The following FBXO38 variants were observed in gnomAD, a reference collection of about 807,000 sequenced individuals.
The protein encoded by FBXO38 is F-box only protein 38.
Under a neutral mutation model 131.9 loss-of-function variants are expected in FBXO38, and 53 were observed. The observed-to-expected ratio is 0.40, with a 90% CI of 0.32 to 0.51. The LOEUF is 0.51. FBXO38 is among the 20% of genes least tolerant of loss of function. The pLI, the probability that FBXO38 is intolerant of heterozygous loss-of-function variation, is 0.53. For missense variants in FBXO38, 1,076 were observed against 1,475.6 expected (o/e 0.73, Z 4.44); for synonymous variants, 452 against 505.6 (o/e 0.89, Z 1.42).
intron 1 of FBXO38, among the ~76,000 whole-genome samples, chr5:148,386,702 A>G (rs1757932181): frequency 1.3e-5 from 2 of 152,126 alleles, no homozygotes; most frequent in South Asian, 4.1e-4. Flanking sequence ...TAGTCTTTAT[A>G]TATAATACTC....
chr5:148,409,496 G>C (rs1434130940), intron 8 of FBXO38, among the ~76,000 whole-genome samples: 1 of 152,196 alleles, frequency 6.6e-6, no homozygotes, highest in Non-Finnish European at 1.5e-5. Flanking sequence ...ATGGCTGAGA[G>C]TCCAATAGAA....
chr5:148,427,483 C>T lies in FBXO38; in HGVS notation c.2189C>T (p.Thr730Met), dbSNP rs767223993. ...TASQSPDFVR[T>M]VNSGGSSEPS... ...TCTCAAAGCCCCGACTTTGTAAGGA[C>T]GGTGAACAGCGGCGGCTCTTCCGAG... The change falls in exon 15 of 22, where the codon ACG becomes ATG. Residue 730 changes from threonine to methionine, a missense_variant. By Grantham distance (81) the Thr-to-Met change is moderately conservative. This residue lies in a region of FBXO38 where 213 missense variants were observed against 225.2 expected (regional missense o/e 0.95). Coordinates refer to ENST00000340253, the MANE Select transcript of FBXO38 (RefSeq NM_205836.3). 3.8e-5 allele frequency: 62 copies of T among 1,614,100 alleles called. 1 individual carries two copies. The highest frequency in any genetic ancestry group is 2.7e-4 in the South Asian group (25 of 91,094).
chr5:148,434,772 A>T (rs1359381731), intron 17 of FBXO38: 2 of 152,180 alleles, frequency 1.3e-5, no homozygotes, highest in Non-Finnish European at 2.9e-5. Flanking sequence ...GTATTTTTTT[A>T]AAAAACTTTA....
intron 1 of FBXO38, chr5:148,389,815 G>T (rs905309780): frequency 6.6e-6 from 1 of 152,216 alleles, no homozygotes; most frequent in Admixed American, 6.6e-5. Flanking sequence ...GGTCACTTGA[G>T]GTCAGGAGTT....
intron 20 of FBXO38, among the ~76,000 whole-genome samples, chr5:148,440,853 A>G (rs541626934): frequency 6.6e-6 from 1 of 152,344 alleles, no homozygotes; most frequent in African/African-American, 2.4e-5. Context: ...GTTCTTCAAA[A>G]TATGGATGAT....
In FBXO38 at chr5:148,438,312, C is replaced by T. The variant is rs754026633; in HGVS notation, c.2858-20C>T. ...CCAAAGATGATATGTACGGAGCTTA[C>T]CATTGTTTTCATTTTGTAGCTACCA... On this transcript the variant is annotated intron_variant, in intron 17 of 21. Transcript: ENST00000340253. 161 of 1,612,530 alleles carry T rather than the reference C, an allele frequency of 1.0e-4. 6 individuals are homozygous for T. In the South Asian group the frequency reaches 1.8e-3, roughly 18 times the overall value.
At chr5:148,416,772 C>CA in intron 11 of FBXO38, 1 of 516,712 alleles carries the variant, frequency 1.9e-6, no homozygotes, top group South Asian at 2.4e-5. Flanking sequence ...ATCTCTTCTC[C>CA]TTGCATGACT....
rs140162793 is a variant in FBXO38 at position 148,402,617 on chromosome 5, T to C, written c.592+104T>C. ...AGAATTTTAGAGATGGCTTTGTTGA[T>C]TGATGATTGCAAAATAAATGTTTGC... is the stretch of plus-strand genomic sequence containing the variant. On this transcript the variant is annotated intron_variant, in intron 5 of 21. Coordinates refer to ENST00000340253, the MANE Select transcript of FBXO38 (RefSeq NM_205836.3). 115 of 1,004,054 alleles carry C rather than the reference T, an allele frequency of 1.1e-4. No homozygotes were observed. In the East Asian group the frequency reaches 2.8e-3, roughly 25 times the overall value. The allele number at this position is 1,004,054 out of a possible 1,614,324, so 62.2% of individuals were successfully genotyped here. A position where few individuals can be genotyped will look rare whatever the true frequency, so the allele number is the denominator to read the frequency against.
intron 17 of FBXO38, among the ~76,000 whole-genome samples, chr5:148,436,860 C>G (rs1369752201): frequency 6.6e-6 from 1 of 152,204 alleles, no homozygotes; most frequent in Non-Finnish European, 1.5e-5. Context: ...ATTACTATCT[C>G]CTATTGGAGT....
chr5:148,440,403 A>G, intron 19 of FBXO38, 21 bp from the exon 20 acceptor site: 1 of 1,478,936 alleles, frequency 6.8e-7, no homozygotes, highest in Non-Finnish European at 9.4e-7. Context: ...ATTTTTACTT[A>G]ATTTTTCCTG....
intron 1 of FBXO38, among the ~76,000 whole-genome samples, chr5:148,388,691 T>C (rs58341123): frequency 0.082 from 12,488 of 152,238 alleles, 1,009 homozygotes; most frequent in East Asian, 0.33. Context: ...TTGCAGAGAC[T>C]TAGGGCCTTG....
At position 148,438,531 on chromosome 5, in the gene FBXO38, A is replaced by G. The variant is rs778413830; in HGVS notation, c.3024+33A>G. ...GCTTTGCTTCTTTCCGATGATACAC[A>G]TATTGTGGTGTTTTTCTTTTTCTTT... On this transcript the variant is annotated intron_variant, in intron 18 of 21. Transcript: ENST00000340253. 1.5e-5 allele frequency: 23 copies of G among 1,583,784 alleles called. No individual in the cohort carries two copies. The East Asian group carries it at 4.3e-4, about 29-fold the overall frequency.
intron 5 of FBXO38, 68 bp from the exon 6 acceptor site, chr5:148,404,617 T>G: frequency 7.3e-7 from 1 of 1,376,286 alleles, no homozygotes; most frequent in African/African-American, 1.5e-5. Flanking sequence ...CTCTTGAACT[T>G]ATAAGCAAAA....
At position 148,404,780 on chromosome 5, in the gene FBXO38, C is replaced by A. The variant is rs763481232; in HGVS notation, c.688C>A (p.Leu230Ile). ...LTKPQPFKDF[L>I]CISLRTFVMR... ...TAAACCACAGCCATTTAAAGACTTC[C>A]TTTGTATCAGCTTAAGAACTTTCGT... The change falls in exon 6 of 22, where the codon CTT becomes ATT. Residue 230 changes from leucine to isoleucine, a missense_variant. Around this residue, in one of 8 missense-constraint regions of FBXO38, gnomAD observed 66 missense variants for 72.4 expected, o/e 0.91. Transcript: ENST00000340253. 1.9e-6 allele frequency: 3 copies of A among 1,607,716 alleles called. No individual in the cohort carries two copies. Among genetic ancestry groups the A allele is most frequent in the Non-Finnish European group, 1.7e-6 (2 of 1,177,926 alleles).
In FBXO38 at chr5:148,439,496, C is replaced by CT. The variant is rs1243056164; in HGVS notation, c.3025-150dup. 14 of 707,858 alleles carry CT rather than the reference C, an allele frequency of 2.0e-5. No individual in the cohort carries two copies. The African/African-American group carries it at 2.2e-4, about 11-fold the overall frequency. The allele number at this position is 707,858 out of a possible 1,614,324, so 43.8% of individuals were successfully genotyped here. On this transcript the variant is annotated intron_variant, in intron 18 of 21. Coordinates refer to ENST00000340253, the MANE Select transcript of FBXO38 (RefSeq NM_205836.3). Reference sequence around the variant, plus strand: ...GCAAAATTATTCCCAGCATGACAGACTGTTTTCAGGTCTGAATGTGACTAT... The same window carrying CT: ...GCAAAATTATTCCCAGCATGACAGACTTGTTTTCAGGTCTGAATGTGACTAT...
chr5:148,393,392 C>T, intron 1 of FBXO38, among the ~76,000 whole-genome samples: 1 of 152,066 alleles, frequency 6.6e-6, no homozygotes, highest in East Asian at 1.9e-4. Context: ...CAAAAAAAAC[C>T]TCAGGAACTG....
At chr5:148,425,359 C>T (rs948893984) in intron 13 of FBXO38, among the ~76,000 whole-genome samples, 163 bp from the exon 14 acceptor site, 1 of 152,176 alleles carries the variant, frequency 6.6e-6, no homozygotes, top group African/African-American at 2.4e-5. Flanking sequence ...GAGTTGCTTT[C>T]ACAGTATCTT....
chr5:148,398,068 A>G (rs1318899660), intron 2 of FBXO38, among the ~76,000 whole-genome samples: 3 of 152,124 alleles, frequency 2.0e-5, no homozygotes, highest in Non-Finnish European at 4.4e-5. Flanking sequence ...GTTAACAGCC[A>G]GAGAGGGGTA....
intron 15 of FBXO38, among the ~76,000 whole-genome samples, chr5:148,428,742 A>T (rs978167909): frequency 5.3e-5 from 8 of 152,224 alleles, no homozygotes; most frequent in African/African-American, 1.9e-4. Context: ...CTTTTTGTAT[A>T]TTCAAAATAG....
Sources: gnomAD v4.1 joint callset for allele counts (sites outside exome capture counted in the v4.1 genomes callset) on GRCh38, gnomAD v4.1.1 for gene constraint, gnomAD v4.1.1 regional missense constraint, MANE v1.5 for transcripts, NCBI Gene and HGNC (gene_info 2026-07-23, HGNC 2026-07-21) for gene names.